SLFN12: variants seen among roughly 807,000 people sequenced by gnomAD.
SLFN12 encodes ribonuclease SLFN12.
In SLFN12, 25 loss-of-function variants were observed where a neutral mutation model predicts 29.1. The observed-to-expected ratio is 0.86, with a 90% CI of 0.63 to 1.20. The LOEUF is 1.20. Among genes scored for constraint, SLFN12 ranks in the 50% most tolerant of loss-of-function variants. SLFN12 has a pLI of 0.00. For synonymous variants in SLFN12, 257 were observed against 238.7 expected, an observed-to-expected ratio of 1.08 and a Z score of -0.71; for missense variants, 660 against 666.2, an observed-to-expected ratio of 0.99 and a Z score of 0.10.
chr17:35,425,976 T>C (rs547665508), intron 1 of SLFN12, among the ~76,000 whole-genome samples: 103 of 151,542 alleles, frequency 6.8e-4, no homozygotes, highest in African/African-American at 2.4e-3. Context: ...TTGTCTTTTT[T>C]ATAATAGCCA....
chr17:35,417,190 A>G (rs560168819), intron 3 of SLFN12, among the ~76,000 whole-genome samples: 1 of 152,272 alleles, frequency 6.6e-6, no homozygotes, highest in Non-Finnish European at 1.5e-5. Context: ...AAAATGCATA[A>G]AAAAGATAAT....
intron 1 of SLFN12, among the ~76,000 whole-genome samples, chr17:35,425,881 A>G (rs1245719495): frequency 6.5e-5 from 6 of 91,692 alleles, no homozygotes; most frequent in Non-Finnish European, 1.2e-4. Flanking sequence ...CCTCCATACT[A>G]TTTTCCATAA....
chr17:35,428,317 G>T (rs73989721), intron 1 of SLFN12, among the ~76,000 whole-genome samples: 5 of 152,040 alleles, frequency 3.3e-5, no homozygotes, highest in Admixed American at 1.3e-4. Flanking sequence ...GAACCTTTTG[G>T]GGGGAAGAGG....
rs375339588 is a variant in SLFN12, at chr17:35,411,584, G to T, written c.1491C>A (p.Ile497=). ...YTKKVCVMTK[I]FYLSPEGMTS... ...TCATGCCTTCAGGGCTCAAGTAGAAGATCTTTGTCATGACACACACTTTTT... is the reference window on the plus strand; with the variant it reads ...TCATGCCTTCAGGGCTCAAGTAGAATATCTTTGTCATGACACACACTTTTT... Residue 497 remains isoleucine, a synonymous_variant, in exon 4 of 4, where the codon ATC becomes ATA. Coordinates refer to ENST00000304905, the MANE Select transcript of SLFN12 (RefSeq NM_018042.5). 1.5e-4 allele frequency: 246 copies of T among 1,613,926 alleles called. No homozygotes were observed. Among genetic ancestry groups the T allele is most frequent in the Admixed American group, 3.5e-4 (21 of 60,004 alleles).
rs199596624 is a variant in SLFN12 at position 35,427,014 on chromosome 17, TCTC to T, written c.-40-3949_-40-3947del. 9.5e-3 allele frequency among the ~76,000 whole-genome samples: 1,443 copies of T among 152,218 alleles called. 18 individuals carry two copies. The highest frequency in any genetic ancestry group is 0.082 in the Middle Eastern group (24 of 294). ...GCTTTCCTGAGCAGTGGCTGTCACT[TCTC>T]CTCACCTGAGATCTGAGTTAGGGGA... On this transcript the variant is annotated intron_variant, in intron 1 of 3. Coordinates refer to ENST00000304905, the MANE Select transcript of SLFN12 (RefSeq NM_018042.5).
Position 35,422,236 on chromosome 17 carries a change from C to T in SLFN12, c.793G>A (p.Glu265Lys), listed in dbSNP as rs763051307. ...ACAGGCATCTTCCTAATGGACTTTT[C>T]GATTTCTCTTTCTAAGTCATCGAGG... Reference protein sequence around the residue: ...SDLDDLEREIEKSIRKMPVHH... With the variant: ...SDLDDLEREIKKSIRKMPVHH... Residue 265 changes from glutamate to lysine, a missense_variant, in exon 2 of 4, where the codon GAA becomes AAA. By Grantham distance (56) the Glu-to-Lys change is moderately conservative. Transcript: ENST00000304905. The T allele has an allele frequency of 3.7e-5, 59 of 1,614,006 alleles. No homozygotes were observed. The highest frequency in any genetic ancestry group is 1.5e-4 in the Admixed American group (9 of 59,998).
At position 35,422,149 on chromosome 17, in the gene SLFN12, C is replaced by A; in HGVS notation, c.880G>T (p.Asp294Tyr). The A allele has an allele frequency of 1.2e-6, 2 of 1,614,122 alleles. No individual in the cohort carries two copies. The highest frequency in any genetic ancestry group is 1.6e-4 in the Middle Eastern group (1 of 6,062). ...NYSCKFLGVY[D>Y]KGSLCGYVCA... ...ACATATCCACAAAGACTTCCTTTAT[C>A]ATATACTCCAAGGAATTTGCATGAA... The change falls in exon 2 of 4, where the codon GAT becomes TAT. Residue 294 changes from aspartate (D) to tyrosine (Y), a missense_variant. Transcript: ENST00000304905.
chr17:35,419,068 T>C (rs1911477920), intron 3 of SLFN12, among the ~76,000 whole-genome samples: 2 of 152,104 alleles, frequency 1.3e-5, no homozygotes, highest in African/African-American at 4.8e-5. Flanking sequence ...GGCTTCACCA[T>C]GTTGGCCAGG....
At position 35,432,335 on chromosome 17, in the gene SLFN12, C is replaced by T. The variant is rs1386321013; in HGVS notation, c.-188G>A. 6.6e-6 allele frequency: 1 copy of T among 152,184 alleles called. No individual in the cohort carries two copies. The highest frequency in any genetic ancestry group is 1.5e-5 in the Non-Finnish European group (1 of 68,128). The allele number at this position is 152,184 out of a possible 1,614,324, so 9.4% of individuals were successfully genotyped here. A position where few individuals can be genotyped will look rare whatever the true frequency, so the allele number is the denominator to read the frequency against. On this transcript the variant is annotated 5_prime_UTR_variant, in exon 1 of 4. Coordinates refer to ENST00000304905, the MANE Select transcript of SLFN12 (RefSeq NM_018042.5). ...ATTTATTGAAAACGAAAGTGCACTC[C>T]ACAGGGTGGGAGCAGGCCCGAGGAT...
Position 35,423,085 on chromosome 17 carries a change from G to A in SLFN12, c.-40-17C>T, listed in dbSNP as rs1429939186. 6.5e-7 allele frequency: 1 copy of A among 1,541,586 alleles called. No homozygotes were observed. Among genetic ancestry groups the A allele is most frequent in the Non-Finnish European group, 8.7e-7 (1 of 1,150,450 alleles). On this transcript the variant is annotated splice_polypyrimidine_tract_variant and intron_variant, in intron 1 of 3. Transcript: ENST00000304905. Reference sequence around the variant, plus strand: ...AATTCTTTTCTGTAAAATAGACAGAGCCATTAGAATAGGACCTGAACTAGA... The same window carrying A: ...AATTCTTTTCTGTAAAATAGACAGAACCATTAGAATAGGACCTGAACTAGA...
rs777954946 is a variant in SLFN12 at position 35,422,040 on chromosome 17, A to C, written c.989T>G (p.Met330Arg). 6.2e-7 allele frequency: 1 copy of C among 1,614,086 alleles called. No homozygotes were observed. Residue 330 changes from methionine to arginine, a missense_variant, in exon 2 of 4, where the codon ATG (methionine) becomes AGG (arginine). Coordinates refer to ENST00000304905, the MANE Select transcript of SLFN12 (RefSeq NM_018042.5). ...GATCCATTCCTTCCTGGTCAACTGC[A>C]TCACACGGTTATCTTTCACATGCCA... is the stretch of plus-strand genomic sequence containing the variant. ...DSWHVKDNRV[M>R]QLTRKEWIQF...
intron 1 of SLFN12, among the ~76,000 whole-genome samples, chr17:35,424,895 G>C (rs1364014465): frequency 6.6e-6 from 1 of 151,850 alleles, no homozygotes; most frequent in African/African-American, 2.4e-5. Context: ...TTTGAAACTT[G>C]TATATATTGT....
At chr17:35,424,176 TTTAAGTGTAAC>T (rs1276919445) in intron 1 of SLFN12, among the ~76,000 whole-genome samples, 1 of 152,160 alleles carries the variant, frequency 6.6e-6, no homozygotes, top group East Asian at 1.9e-4. Flanking sequence ...TTAACTTTTT[TTTAAGTGTAAC>T]TTAAGTGTAA....
Position 35,422,255 on chromosome 17 carries a change from A to G in SLFN12, c.774T>C (p.Asp258=), listed in dbSNP as rs561008147. 22 of 1,614,144 alleles carry G rather than the reference A, an allele frequency of 1.4e-5. No individual in the cohort carries two copies. The highest frequency in any genetic ancestry group is 1.3e-4 in the African/African-American group (10 of 75,080). Residue 258 remains aspartate, a synonymous_variant, in exon 2 of 4, where the codon GAT becomes GAC. Transcript: ENST00000304905. ...ACTTTTCGATTTCTCTTTCTAAGTC[A>G]TCGAGGTCACTCATCTCTGCTTTAA... ...IGFKAEMSDL[D]DLEREIEKSI...
At chr17:35,423,180 G>C (rs546733229) in intron 1 of SLFN12, 112 bp from the exon 2 acceptor site, 5 of 1,217,156 alleles carry the variant, frequency 4.1e-6, no homozygotes, top group East Asian at 2.5e-5. Flanking sequence ...TACTAGACTG[G>C]TAAGTATATG....
At chr17:35,427,042 A>G (rs1912057549) in intron 1 of SLFN12, among the ~76,000 whole-genome samples, 1 of 152,112 alleles carries the variant, frequency 6.6e-6, no homozygotes, top group African/African-American at 2.4e-5. Flanking sequence ...GAGTTAGGGG[A>G]TACAGAAATG....
At position 35,423,018 on chromosome 17, in the gene SLFN12, C is replaced by A. The variant is rs1218509987; in HGVS notation, c.11G>T (p.Ser4Ile). 4.4e-6 allele frequency: 7 copies of A among 1,609,010 alleles called. No individual in the cohort carries two copies. The Admixed American group carries it at 1.0e-4, about 23-fold the overall frequency. The change falls in exon 2 of 4, where the codon AGT becomes ATT. Residue 4 changes from serine (S) to isoleucine (I), a missense_variant. Transcript: ENST00000304905. MNI[S>I]VDLETNYAEL... The stretch of plus-strand genomic sequence containing the variant: ...GGCATAATTCGTTTCCAAATCAACA[C>A]TGATGTTCATTTTCCCAGCAGCTAT...
Position 35,422,153 on chromosome 17 carries a change from T to C in SLFN12, c.876A>G (p.Val292=), listed in dbSNP as rs1911698587. The part of the protein sequence containing the change: ...KINYSCKFLG[V]YDKGSLCGYV... ...ATCCACAAAGACTTCCTTTATCATA[T>C]ACTCCAAGGAATTTGCATGAATAAT... Residue 292 remains valine (V), a synonymous_variant, in exon 2 of 4, where the codon GTA becomes GTG. Transcript: ENST00000304905. 6.2e-7 allele frequency: 1 copy of C among 1,614,016 alleles called. No homozygotes were observed.
rs1380963425 is a variant in SLFN12 at position 35,410,970 on chromosome 17, A to G, written c.*368T>C. On this transcript the variant is annotated 3_prime_UTR_variant, in exon 4 of 4. Transcript: ENST00000304905. ...TCCCACTGTGGAAATTCTGAGTTTC[A>G]TCAAGGATAATCTTTTGTAAGTTAT... is the stretch of plus-strand genomic sequence containing the variant. 6.5e-6 allele frequency: 1 copy of G among 154,950 alleles called. No individual in the cohort carries two copies. The highest frequency in any genetic ancestry group is 1.4e-5 in the Non-Finnish European group (1 of 70,130). The allele number at this position is 154,950 out of a possible 1,614,324, so 9.6% of individuals were successfully genotyped here.
Sources: gnomAD v4.1 joint callset for allele counts (sites outside exome capture counted in the v4.1 genomes callset) on GRCh38, gnomAD v4.1.1 for gene constraint, MANE v1.5 for transcripts, NCBI Gene and HGNC (gene_info 2026-07-23, HGNC 2026-07-21) for gene names.